CLEC12A: variants seen among roughly 807,000 people sequenced by gnomAD.
The protein encoded by CLEC12A is C-type lectin domain family 12 member A, also known as C-type lectin protein CLL-1.
Under a neutral mutation model 26.5 loss-of-function variants are expected in CLEC12A, and 22 were observed. The observed-to-expected ratio is 0.83, with a 90% CI of 0.59 to 1.19. The LOEUF (loss-of-function observed/expected upper bound fraction) is 1.19, where lower values mean the gene tolerates loss of function less well. CLEC12A is among the 50% of genes most tolerant of loss of function. CLEC12A has a pLI of 0.00. For synonymous variants in CLEC12A, 119 were observed against 101.9 expected (o/e 1.17, Z -1.01); for missense variants, 353 against 315.6 (o/e 1.12, Z -0.90).
At chr12:9,985,664 A>G (rs1328781156), downstream of CLEC12A, 2 of 391,142 alleles carry the variant, frequency 5.1e-6, no homozygotes, top group Non-Finnish European at 9.0e-6. Flanking sequence ...TGTTAAAGAC[A>G]TACAGCAATT....
chr12:9,958,121 G>A (rs1472971800), intron 1 of CLEC12A, among the ~76,000 whole-genome samples: 1 of 152,180 alleles, frequency 6.6e-6, no homozygotes, highest in Non-Finnish European at 1.5e-5. Context: ...AAACTAGAGG[G>A]TATAATGTGA....
the CLEC12A span, among the ~76,000 whole-genome samples, chr12:10,002,699 C>T: frequency 1.3e-5 from 2 of 152,138 alleles, no homozygotes; most frequent in East Asian, 3.9e-4. Context: ...GCCTCGGCCT[C>T]CCCAAGTGCT....
intron 1 of CLEC12A, among the ~76,000 whole-genome samples, chr12:9,954,224 A>T (rs1441172871): frequency 1.3e-5 from 2 of 151,088 alleles, no homozygotes; most frequent in Non-Finnish European, 3.0e-5. Flanking sequence ...AAAAAAAAAA[A>T]AAAAAAAAAT....
At chr12:9,993,405 A>T in intron 4 of CLEC12A, 1 of 668,260 alleles carries the variant, frequency 1.5e-6, no homozygotes, top group Non-Finnish European at 2.3e-6. Context: ...GGAAAAAAAA[A>T]CAAAAAAAAA....
chr12:9,966,612 G>A (rs1471052673), upstream of CLEC12A, among the ~76,000 whole-genome samples: 2 of 152,096 alleles, frequency 1.3e-5, no homozygotes, highest in African/African-American at 4.8e-5. Flanking sequence ...TGCTGGAGAT[G>A]TGGCTGGGGT....
chr12:9,994,764 T>G (rs961553122), intron 4 of CLEC12A, among the ~76,000 whole-genome samples: 1 of 152,102 alleles, frequency 6.6e-6, no homozygotes, highest in African/African-American at 2.4e-5. Context: ...ATATGAAATT[T>G]TGTTTTAAAA....
At chr12:9,984,180 G>A (rs1177365417) in intron 5 of CLEC12A, 1 of 154,850 alleles carries the variant, frequency 6.5e-6, no homozygotes, top group Non-Finnish European at 1.4e-5. Context: ...TCTGAAAGGG[G>A]GTTGTAATAA....
At chr12:9,995,733 T>C (rs903987362), downstream of CLEC12A, 11 of 205,574 alleles carry the variant, frequency 5.4e-5, no homozygotes, top group Admixed American at 4.8e-4. Context: ...GCATTTATGA[T>C]GTCTTTCTCA....
At position 9,983,397 on chromosome 12, in the gene CLEC12A, G is replaced by T. The variant is rs183953468; in HGVS notation, c.641+1268G>T. 3.9e-4 allele frequency: 227 copies of T among 587,546 alleles called. No individual in the cohort carries two copies. The African/African-American group carries it at 4.0e-3, about 10-fold the overall frequency. 36.4% of individuals were successfully genotyped at this position (587,546 alleles called of 1,614,324 possible). A position where few individuals can be genotyped will look rare whatever the true frequency, so the allele number is the denominator to read the frequency against. On this transcript the variant is annotated intron_variant, in intron 5 of 5. Coordinates refer to ENST00000304361, the MANE Select transcript of CLEC12A (RefSeq NM_138337.6). ...GTTGTGTAGTATAATGAGGAATGTG[G>T]TTATAAATATACTATTTTAAGTGGA...
At chr12:9,979,655 G>T in intron 3 of CLEC12A, 131 bp downstream of exon 3, 1 of 662,996 alleles carries the variant, frequency 1.5e-6, no homozygotes, top group Middle Eastern at 3.2e-4. Flanking sequence ...AATTACATGT[G>T]GTTGATGGAG....
chr12:9,983,301 A>G (rs773147813), intron 5 of CLEC12A, among the ~76,000 whole-genome samples: 4 of 152,154 alleles, frequency 2.6e-5, no homozygotes, highest in Non-Finnish European at 5.9e-5. Context: ...CTGGTTTAGA[A>G]GAGCACTTCA....
In CLEC12A at chr12:9,962,775, G is replaced by A. The variant is rs142428635; in HGVS notation, c.11-8802G>A. ...AATGTCATCTGTTAAGGCAGGAACC[G>A]GCCATCTGGATGTGTATGTGCAGGT... On this transcript the variant is annotated intron_variant, in intron 1 of 6. Transcript: ENST00000355690. 5.8e-4 allele frequency among the ~76,000 whole-genome samples: 88 copies of A among 152,278 alleles called. 1 individual carries two copies. Among genetic ancestry groups the A allele is most frequent in the Middle Eastern group, 3.4e-3 (1 of 294 alleles).
At chr12:9,994,629 T>C (rs1312070202) in intron 4 of CLEC12A, among the ~76,000 whole-genome samples, 1 of 152,082 alleles carries the variant, frequency 6.6e-6, no homozygotes, top group East Asian at 1.9e-4. Context: ...TAATGGACAT[T>C]GGAATTATCT....
chr12:9,998,545 A>C (rs1223258279), downstream of CLEC12A, among the ~76,000 whole-genome samples: 1 of 130,334 alleles, frequency 7.7e-6, no homozygotes, highest in Non-Finnish European at 1.7e-5. Flanking sequence ...AACAATAGGC[A>C]TGGCCCACCC....
intron 4 of CLEC12A, 38 bp downstream of exon 4, chr12:9,980,771 G>T (rs1160503971): frequency 3.7e-6 from 6 of 1,604,282 alleles, no homozygotes; most frequent in Non-Finnish European, 5.1e-6. Flanking sequence ...GGGATAGAGA[G>T]GGGTGTGGCA....
intron 1 of CLEC12A, among the ~76,000 whole-genome samples, chr12:9,954,233 A>C (rs1863703980): frequency 7.4e-6 from 1 of 135,776 alleles, no homozygotes; most frequent in Admixed American, 7.2e-5. Flanking sequence ...AAAAAAAAAA[A>C]TCAAACTGTC....
At chr12:9,971,379 T>C (rs1864116795), upstream of CLEC12A, 4 of 1,160,404 alleles carry the variant, frequency 3.4e-6, no homozygotes, top group Non-Finnish European at 4.3e-6. Context: ...AACAGTTCAA[T>C]GTTCTTAACT....
chr12:9,967,990 T>G (rs1864005272), upstream of CLEC12A, among the ~76,000 whole-genome samples: 7 of 152,238 alleles, frequency 4.6e-5, no homozygotes, highest in Admixed American at 3.9e-4. Context: ...ACGCGTCTCC[T>G]TCATCTCTGT....
chr12:9,968,898 A>G (rs892946831), upstream of CLEC12A, among the ~76,000 whole-genome samples: 3 of 152,178 alleles, frequency 2.0e-5, no homozygotes, highest in African/African-American at 7.2e-5. Context: ...ATATATACAC[A>G]ATGGAATATT....
Sources: gnomAD v4.1 joint callset for allele counts (sites outside exome capture counted in the v4.1 genomes callset) on GRCh38, gnomAD v4.1.1 for gene constraint, MANE v1.5 for transcripts, NCBI Gene and HGNC (gene_info 2026-07-23, HGNC 2026-07-21) for gene names.